MYO1E: variants seen among roughly 807,000 people sequenced by gnomAD.
The protein encoded by MYO1E is myosin IE.
In MYO1E, 68 loss-of-function variants were observed where a neutral mutation model predicts 151.1. The ratio of observed to expected loss-of-function variants is 0.45; its 90% CI spans 0.37 to 0.55. MYO1E has a LOEUF of 0.55. Among genes scored for constraint, MYO1E ranks in the 20% least tolerant of loss-of-function variants. MYO1E has a pLI of 0.00. For synonymous variants in MYO1E, 601 were observed against 501.7 expected (o/e 1.20, Z -2.64); for missense variants, 1,363 against 1,389.3 (o/e 0.98, Z 0.30).
At chr15:59,184,296 T>G (rs1444315459) in intron 18 of MYO1E, among the ~76,000 whole-genome samples, 1 of 152,122 alleles carries the variant, frequency 6.6e-6, no homozygotes, top group African/African-American at 2.4e-5. Context: ...TGGGAGCCAC[T>G]GCGCCTGGCC....
At chr15:59,171,832 G>C in intron 22 of MYO1E, 65 bp downstream of exon 22, 1 of 1,607,308 alleles carries the variant, frequency 6.2e-7, no homozygotes, top group Non-Finnish European at 8.5e-7. Context: ...CTGGCTGTTT[G>C]GAACAGCGGA....
intron 18 of MYO1E, among the ~76,000 whole-genome samples, chr15:59,187,806 G>T (rs2079707702): frequency 6.6e-6 from 1 of 152,236 alleles, no homozygotes; most frequent in Non-Finnish European, 1.5e-5. Context: ...TTCAGTGAAA[G>T]AAGTCAGTCA....
At chr15:59,144,912 C>T (rs1383385883) in intron 26 of MYO1E, among the ~76,000 whole-genome samples, 3 of 152,166 alleles carry the variant, frequency 2.0e-5, no homozygotes, top group Non-Finnish European at 2.9e-5. Context: ...GGTACGATCT[C>T]GGCTCACCGC....
intron 1 of MYO1E, among the ~76,000 whole-genome samples, chr15:59,312,189 C>T (rs535378781): frequency 8.5e-5 from 13 of 152,290 alleles, no homozygotes; most frequent in Admixed American, 2.6e-4. Flanking sequence ...AAGGGATGAT[C>T]GTGTTCACAA....
At chr15:59,236,797 T>C in intron 4 of MYO1E, 125 bp from the exon 5 acceptor site, 1 of 664,524 alleles carries the variant, frequency 1.5e-6, no homozygotes, top group Non-Finnish European at 2.4e-6. Flanking sequence ...AGAAAAGAAT[T>C]TTTTTTTTTA....
Position 59,236,655 on chromosome 15 carries a change from C to T in MYO1E, c.350G>A (p.Gly117Glu). Residue 117 changes from glycine (G) to glutamate (E), a missense_variant, in exon 5 of 28, where the codon GGA (glycine) becomes GAA (glutamate). Gly to Glu is a moderately conservative substitution (Grantham distance 98, BLOSUM62 -2). Transcript: ENST00000288235. ...GATATATTTGGCAGCCACTGTTTTT[C>T]CAGCACCACTTTCACCACTAAAGAA... Reference protein sequence around the residue: ...CVIISGESGAGKTVAAKYIMS... With the variant: ...CVIISGESGAEKTVAAKYIMS... 6.2e-7 allele frequency: 1 copy of T among 1,613,822 alleles called. No individual in the cohort carries two copies. Among genetic ancestry groups the T allele is most frequent in the Middle Eastern group, 1.7e-4 (1 of 6,060 alleles).
intron 19 of MYO1E, 123 bp downstream of exon 19, chr15:59,178,270 T>C: frequency 7.9e-7 from 1 of 1,268,142 alleles, no homozygotes; most frequent in East Asian, 2.4e-5. Context: ...GAAGGCTTCT[T>C]TGAGGAGACA....
intron 2 of MYO1E, among the ~76,000 whole-genome samples, chr15:59,271,492 A>C (rs2080288854): frequency 6.6e-6 from 1 of 152,252 alleles, no homozygotes; most frequent in Admixed American, 6.5e-5. Context: ...TTCCACCAGG[A>C]TATCTTTACA....
intron 15 of MYO1E, among the ~76,000 whole-genome samples, chr15:59,204,997 G>T (rs1298854186): frequency 6.6e-6 from 1 of 152,162 alleles, no homozygotes; most frequent in Non-Finnish European, 1.5e-5. Flanking sequence ...CTTGGAATTT[G>T]GGGGCATGAA....
intron 10 of MYO1E, among the ~76,000 whole-genome samples, chr15:59,216,592 G>GTATCTATCTATCTATCTATCTATCTA (rs55698726): frequency 6.8e-5 from 7 of 103,192 alleles, no homozygotes; most frequent in African/African-American, 2.5e-4. Flanking sequence ...GTGTGTGTGT[G>GTATCTATCTATCTATCTATCTATCTA]TGTATCTATC....
At chr15:59,209,138 G>C in intron 13 of MYO1E, 1 of 461,898 alleles carries the variant, frequency 2.2e-6, no homozygotes, top group Non-Finnish European at 3.9e-6. Flanking sequence ...ATGCCAAATT[G>C]ACTTGCTTAA....
At chr15:59,213,599 T>C (rs1342056473) in intron 12 of MYO1E, among the ~76,000 whole-genome samples, 1 of 151,832 alleles carries the variant, frequency 6.6e-6, no homozygotes, top group East Asian at 1.9e-4. Flanking sequence ...GCTGGGACTA[T>C]AGGCTTATGC....
At chr15:59,174,270 C>G (rs1415963444) in intron 19 of MYO1E, 30 bp from the exon 20 acceptor site, 6 of 1,448,916 alleles carry the variant, frequency 4.1e-6, no homozygotes, top group Non-Finnish European at 4.9e-6. Context: ...AAATGTGAGC[C>G]AAGCCCCAAG....
intron 1 of MYO1E, among the ~76,000 whole-genome samples, chr15:59,328,390 T>C (rs776832114): frequency 4.6e-5 from 7 of 152,084 alleles, no homozygotes; most frequent in African/African-American, 7.2e-5. Flanking sequence ...CCCACCTTCA[T>C]TGGGGTGGCA....
intron 1 of MYO1E, among the ~76,000 whole-genome samples, chr15:59,343,864 C>T (rs1192209547): frequency 6.6e-6 from 1 of 152,168 alleles, no homozygotes; most frequent in African/African-American, 2.4e-5. Flanking sequence ...ATTCTCTTAA[C>T]TTACTTCAAT....
In MYO1E at chr15:59,297,522, A is replaced by G. The variant is rs938162844; in HGVS notation, c.4-25073T>C. ...AGTCTCAAACTCCTGACCTCAGGTG[A>G]TCTGCCTGCCTCAGCCTCCCAAAGT... On this transcript the variant is annotated intron_variant, in intron 1 of 27. Transcript: ENST00000288235. Among the ~76,000 whole-genome samples, 8 of 142,794 alleles carry G rather than the reference A, an allele frequency of 5.6e-5. No homozygotes were observed. In the Admixed American group the frequency reaches 6.1e-4, roughly 11 times the overall value. The allele number at this position is 142,794 out of a possible 152,430, so 93.7% of individuals were successfully genotyped here.
At chr15:59,268,089 G>A (rs1429582930) in intron 2 of MYO1E, among the ~76,000 whole-genome samples, 1 of 152,096 alleles carries the variant, frequency 6.6e-6, no homozygotes, top group Non-Finnish European at 1.5e-5. Flanking sequence ...GTCTCTTCTC[G>A]TCTTAACAAT....
In MYO1E at chr15:59,327,142, A is replaced by G. The variant is rs116448381; in HGVS notation, c.3+45356T>C. Among the ~76,000 whole-genome samples, 1,094 of 152,206 alleles carry G rather than the reference A, an allele frequency of 7.2e-3. 12 individuals carry two copies. Among genetic ancestry groups the G allele is most frequent in the African/African-American group, 0.025 (1,030 of 41,534 alleles). ...GCGTTTTCTCACTTGACTCTTCCAC[A>G]GAGTGCACACCTCCATGCAGGAGTC... On this transcript the variant is annotated intron_variant, in intron 1 of 27. Transcript: ENST00000288235.
intron 10 of MYO1E, among the ~76,000 whole-genome samples, chr15:59,217,241 G>C (rs1328991612): frequency 6.6e-6 from 1 of 152,184 alleles, no homozygotes; most frequent in East Asian, 1.9e-4. Flanking sequence ...TTGTAACATA[G>C]AAATATGTGA....
Sources: gnomAD v4.1 joint callset for allele counts (sites outside exome capture counted in the v4.1 genomes callset) on GRCh38, gnomAD v4.1.1 for gene constraint, MANE v1.5 for transcripts, NCBI Gene and HGNC (gene_info 2026-07-23, HGNC 2026-07-21) for gene names.